Variants in NDUFA9 observed in about 807,000 individuals in gnomAD.
NDUFA9 encodes NADH:ubiquinone oxidoreductase subunit A9.
In NDUFA9, 23 loss-of-function variants were observed where a neutral mutation model predicts 45.9. The ratio of observed to expected loss-of-function variants is 0.50; its 90% CI spans 0.36 to 0.71. The LOEUF is 0.71. Among genes scored for constraint, NDUFA9 ranks in the 30% least tolerant of loss-of-function variants. NDUFA9 has a pLI of 0.00. For missense variants in NDUFA9, 466 were observed against 488.2 expected (o/e 0.95, Z 0.43); for synonymous variants, 176 against 170.5 (o/e 1.03, Z -0.25).
chr12:4,688,182 T>C lies in NDUFA9; in HGVS notation c.*1074T>C, dbSNP rs910976561. 6.6e-6 allele frequency: 1 copy of C among 152,252 alleles called. No homozygotes were observed. The highest frequency in any genetic ancestry group is 1.5e-5 in the Non-Finnish European group (1 of 68,108). 9.4% of individuals were successfully genotyped at this position (152,252 alleles called of 1,614,324 possible). Reference sequence around the variant, plus strand: ...GCATTGGGATCATCTTGGGGCTTGTTAGAAATGCAGAACCCGGGCTGGGCA... The same window carrying C: ...GCATTGGGATCATCTTGGGGCTTGTCAGAAATGCAGAACCCGGGCTGGGCA... On this transcript the variant is annotated 3_prime_UTR_variant, in exon 11 of 11. Coordinates refer to ENST00000266544, the MANE Select transcript of NDUFA9 (RefSeq NM_005002.5).
At chr12:4,666,418 T>C (rs1302847472) in intron 6 of NDUFA9, among the ~76,000 whole-genome samples, 1 of 152,234 alleles carries the variant, frequency 6.6e-6, no homozygotes, top group Non-Finnish European at 1.5e-5. Context: ...TTTTTACTTT[T>C]GTTGCCTGTG....
intron 3 of NDUFA9, among the ~76,000 whole-genome samples, chr12:4,656,557 C>T (rs185730897): frequency 1.3e-5 from 2 of 152,296 alleles, no homozygotes; most frequent in East Asian, 1.9e-4. Context: ...TCGAGAAGGA[C>T]TATTTGGGGT....
chr12:4,662,139 C>G (rs1357430929), intron 5 of NDUFA9, among the ~76,000 whole-genome samples: 14 of 152,196 alleles, frequency 9.2e-5, no homozygotes, highest in African/African-American at 3.4e-4. Context: ...TATGTAGGTA[C>G]TGGTGACACT....
chr12:4,662,432 T>C, intron 5 of NDUFA9, 101 bp from the exon 6 acceptor site: 1 of 859,332 alleles, frequency 1.2e-6, no homozygotes. Context: ...TGGAGGAAAA[T>C]ATCGCCTTTG....
intron 3 of NDUFA9, chr12:4,655,186 C>T: frequency 2.7e-6 from 1 of 370,152 alleles, no homozygotes; most frequent in Non-Finnish European, 4.9e-6. Context: ...GTCATAATTA[C>T]TCAGCTCTGC....
In NDUFA9 at chr12:4,649,150, G is replaced by T. The variant is rs1394501274; in HGVS notation, c.24G>T (p.Arg8=). MAAAAQS[R]VVRVLSMSRS... ...AGATGGCGGCTGCCGCACAATCCCG[G>T]GTTGTCCGGGTCCTGTCAATGTCAC... Residue 8 remains arginine (R), a synonymous_variant, in exon 1 of 11, where the codon CGG becomes CGT. Coordinates refer to ENST00000266544, the MANE Select transcript of NDUFA9 (RefSeq NM_005002.5). 2.5e-6 allele frequency: 4 copies of T among 1,605,180 alleles called. No homozygotes were observed. Among genetic ancestry groups the T allele is most frequent in the Non-Finnish European group, 2.6e-6 (3 of 1,176,176 alleles).
intron 10 of NDUFA9, among the ~76,000 whole-genome samples, chr12:4,686,028 C>A (rs866675398): frequency 5.4e-4 from 82 of 152,318 alleles, no homozygotes; most frequent in African/African-American, 1.9e-3. Context: ...TGGAAGTGGG[C>A]AACTCACATA....
chr12:4,654,855 A>C lies in NDUFA9; in HGVS notation c.251A>C (p.Tyr84Ser), dbSNP rs1565564733. The change falls in exon 3 of 11, where the codon TAT becomes TCT. Residue 84 changes from tyrosine (Y) to serine (S), a missense_variant. Coordinates refer to ENST00000266544, the MANE Select transcript of NDUFA9 (RefSeq NM_005002.5). Reference sequence around the variant, plus strand: ...ATGGGGTCACAGGTAATCATACCCTATCGGTGTGATAAATATGACATCATG... The same window carrying C: ...ATGGGGTCACAGGTAATCATACCCTCTCGGTGTGATAAATATGACATCATG... ...GRMGSQVIIPYRCDKYDIMHL... is the reference protein window; with the variant it reads ...GRMGSQVIIPSRCDKYDIMHL... 6.2e-7 allele frequency: 1 copy of C among 1,613,910 alleles called. No homozygotes were observed. The highest frequency in any genetic ancestry group is 1.7e-4 in the Middle Eastern group (1 of 6,046).
intron 8 of NDUFA9, among the ~76,000 whole-genome samples, chr12:4,674,792 C>T (rs1332733065): frequency 1.3e-5 from 2 of 152,180 alleles, no homozygotes; most frequent in African/African-American, 2.4e-5. Context: ...ATATCCAGGA[C>T]TTGAACTCAG....
rs1263997051 is a variant in NDUFA9 at position 4,692,776 on chromosome 12, C to G, written c.*5668C>G. ...GCTGACAAGTAATAGTATATGATAG[C>G]ATAGTATATGATAGCAGTAGTATAC... On this transcript the variant is annotated 3_prime_UTR_variant, in exon 11 of 11. Coordinates refer to ENST00000266544, the MANE Select transcript of NDUFA9 (RefSeq NM_005002.5). The G allele has an allele frequency of 6.6e-6, 1 of 152,108 alleles. No homozygotes were observed. The highest frequency in any genetic ancestry group is 2.4e-5 in the African/African-American group (1 of 41,370). The allele number at this position is 152,108 out of a possible 1,614,324, so 9.4% of individuals were successfully genotyped here. A position where few individuals can be genotyped will look rare whatever the true frequency, so the allele number is the denominator to read the frequency against.
In NDUFA9 at chr12:4,665,543, A is replaced by G. The variant is rs560362269; in HGVS notation, c.655+2908A>G. 3.9e-4 allele frequency among the ~76,000 whole-genome samples: 60 copies of G among 152,320 alleles called. No individual in the cohort carries two copies. In the South Asian group the frequency reaches 0.012, roughly 31 times the overall value. ...TATTGTGAATAATGCTGCAATGACC[A>G]TGGATGTACGAAATATCCCTGATTT... On this transcript the variant is annotated intron_variant, in intron 6 of 10. Transcript: ENST00000266544.
chr12:4,665,190 C>T lies in NDUFA9; in HGVS notation c.655+2555C>T, dbSNP rs539791058. Among the ~76,000 whole-genome samples the T allele has an allele frequency of 9.1e-4, 138 of 152,170 alleles. 1 individual carries two copies. Among genetic ancestry groups the T allele is most frequent in the Non-Finnish European group, 8.8e-4 (60 of 68,022 alleles). Reference sequence around the variant, plus strand: ...TTTACATTGTTGTACAACCAATCCCCAGAACTTTTTCATCTTGTAAAACTG... The same window carrying T: ...TTTACATTGTTGTACAACCAATCCCTAGAACTTTTTCATCTTGTAAAACTG... On this transcript the variant is annotated intron_variant, in intron 6 of 10. Coordinates refer to ENST00000266544, the MANE Select transcript of NDUFA9 (RefSeq NM_005002.5).
chr12:4,691,638 A>T lies in NDUFA9; in HGVS notation c.*4530A>T, dbSNP rs1946018844. On this transcript the variant is annotated 3_prime_UTR_variant, in exon 11 of 11. Coordinates refer to ENST00000266544, the MANE Select transcript of NDUFA9 (RefSeq NM_005002.5). Reference sequence around the variant, plus strand: ...AGAGAATGAAGTAAGGAGAGACTTAAACTTGAAAAGATTCTTGTGAGAGAA... The same window carrying T: ...AGAGAATGAAGTAAGGAGAGACTTATACTTGAAAAGATTCTTGTGAGAGAA... 6.6e-6 allele frequency: 1 copy of T among 152,244 alleles called. No homozygotes were observed. The highest frequency in any genetic ancestry group is 2.1e-4 in the South Asian group (1 of 4,824). 9.4% of individuals were successfully genotyped at this position (152,244 alleles called of 1,614,324 possible).
At chr12:4,661,484 C>T (rs957747305) in intron 5 of NDUFA9, among the ~76,000 whole-genome samples, 2 of 151,966 alleles carry the variant, frequency 1.3e-5, no homozygotes, top group African/African-American at 4.8e-5. Flanking sequence ...TATTTTCCTG[C>T]CAGCTGCTCA....
At chr12:4,684,489 A>C (rs1193639683) in intron 9 of NDUFA9, among the ~76,000 whole-genome samples, 1 of 148,102 alleles carries the variant, frequency 6.8e-6, no homozygotes, top group East Asian at 1.9e-4. Flanking sequence ...ACCCACTGCT[A>C]CTGGGCACAG....
At chr12:4,665,744 C>CTTT (rs1479200168) in intron 6 of NDUFA9, among the ~76,000 whole-genome samples, 2 of 90,998 alleles carry the variant, frequency 2.2e-5, no homozygotes, top group Non-Finnish European at 4.5e-5. Context: ...TTGTTATTTT[C>CTTT]TGTTTTTTTT....
intron 8 of NDUFA9, among the ~76,000 whole-genome samples, chr12:4,673,229 G>C (rs1233346447): frequency 1.3e-5 from 2 of 152,190 alleles, no homozygotes; most frequent in Non-Finnish European, 2.9e-5. Flanking sequence ...TGACTTCAAA[G>C]ACCAAAGGTA....
chr12:4,654,636 G>A (rs1457753400), intron 2 of NDUFA9, among the ~76,000 whole-genome samples, 174 bp downstream of exon 2: 1 of 152,058 alleles, frequency 6.6e-6, no homozygotes, highest in Non-Finnish European at 1.5e-5. Flanking sequence ...TCCTATATAG[G>A]AATTATTAGG....
chr12:4,685,836 A>G (rs1012653315), intron 10 of NDUFA9, among the ~76,000 whole-genome samples: 28 of 152,106 alleles, frequency 1.8e-4, no homozygotes, highest in African/African-American at 6.0e-4. Flanking sequence ...ACCTCATGTC[A>G]TGTGCCTGTG....
Sources: allele counts gnomAD v4.1 joint callset (sites outside exome capture counted in the v4.1 genomes callset), GRCh38; gene constraint gnomAD v4.1.1; transcripts MANE v1.5; gene names NCBI Gene and HGNC (gene_info 2026-07-23, HGNC 2026-07-21).